Variants in MYO1D observed in about 807,000 individuals in gnomAD.
The protein encoded by MYO1D is unconventional myosin-Id.
MYO1D carries 83 observed loss-of-function variants against 122.0 expected under a neutral mutation model. The observed-to-expected ratio is 0.68, with a 90% CI of 0.57 to 0.82. The LOEUF (loss-of-function observed/expected upper bound fraction) is 0.82, where lower values mean the gene tolerates loss of function less well. MYO1D is among the 40% of genes least tolerant of loss of function. The pLI, the probability that MYO1D is intolerant of heterozygous loss-of-function variation, is 0.00. For missense variants in MYO1D, 1,157 were observed against 1,269.5 expected, an observed-to-expected ratio of 0.91 and a Z score of 1.35; for synonymous variants, 464 against 446.9, an observed-to-expected ratio of 1.04 and a Z score of -0.48.
intron 16 of MYO1D, among the ~76,000 whole-genome samples, chr17:32,703,101 C>A (rs779913786): frequency 6.6e-6 from 1 of 152,110 alleles, no homozygotes; most frequent in Non-Finnish European, 1.5e-5. Flanking sequence ...AGAGGAAAGG[C>A]CTTGCCCTCT....
chr17:32,849,693 T>C (rs573925447), intron 1 of MYO1D, among the ~76,000 whole-genome samples: 1 of 151,722 alleles, frequency 6.6e-6, no homozygotes, highest in African/African-American at 2.4e-5. Context: ...GGGATAGCAT[T>C]GGGAGATATA....
intron 8 of MYO1D, 48 bp downstream of exon 8, chr17:32,764,830 T>C: frequency 6.3e-7 from 1 of 1,586,780 alleles, no homozygotes; most frequent in East Asian, 2.2e-5. Flanking sequence ...TCACTCAATT[T>C]GCAACTGCGA....
chr17:32,821,534 T>TCACACACACACACACACACACA (rs575314294), intron 1 of MYO1D, among the ~76,000 whole-genome samples: 47 of 143,152 alleles, frequency 3.3e-4, no homozygotes, highest in African/African-American at 1.1e-3. Context: ...GATAAGTAAA[T>TCACACACACACACACACACACA]CACACATACA....
chr17:32,783,388 A>G (rs2090260492), intron 1 of MYO1D, among the ~76,000 whole-genome samples: 1 of 152,182 alleles, frequency 6.6e-6, no homozygotes. Flanking sequence ...TATAGGCACC[A>G]TGTATAAAAT....
chr17:32,769,778 G>C (rs1028169372), intron 6 of MYO1D, among the ~76,000 whole-genome samples: 5 of 149,458 alleles, frequency 3.3e-5, no homozygotes, highest in African/African-American at 1.2e-4. Context: ...TTAGTTCTTT[G>C]TTTTCTTAGG....
At chr17:32,841,461 T>C (rs1309333147) in intron 1 of MYO1D, among the ~76,000 whole-genome samples, 1 of 149,664 alleles carries the variant, frequency 6.7e-6, no homozygotes, top group Non-Finnish European at 1.5e-5. Flanking sequence ...AGTGAGACCC[T>C]GTCTCAAAAA....
At chr17:32,651,949 T>A (rs1480181158) in intron 19 of MYO1D, among the ~76,000 whole-genome samples, 3 of 152,196 alleles carry the variant, frequency 2.0e-5, no homozygotes, top group African/African-American at 7.2e-5. Context: ...GTGGTGGGAT[T>A]ATAGGCATAA....
chr17:32,797,907 T>C (rs181876358), intron 1 of MYO1D, among the ~76,000 whole-genome samples: 16 of 152,400 alleles, frequency 1.0e-4, no homozygotes, highest in Admixed American at 9.8e-4. Flanking sequence ...TTTCCATGTA[T>C]GTTGCTAATT....
At chr17:32,860,759 T>C (rs575822128) in intron 1 of MYO1D, among the ~76,000 whole-genome samples, 216 of 152,304 alleles carry the variant, frequency 1.4e-3, no homozygotes, top group Non-Finnish European at 1.7e-3. Context: ...ACTAGACTAG[T>C]AAAAAGTCCT....
chr17:32,691,278 A>C (rs1726916757), intron 16 of MYO1D, among the ~76,000 whole-genome samples: 2 of 150,962 alleles, frequency 1.3e-5, no homozygotes, highest in African/African-American at 4.9e-5. Flanking sequence ...AAAAAAAAGA[A>C]CTTATTTCTT....
intron 21 of MYO1D, among the ~76,000 whole-genome samples, chr17:32,538,761 C>G (rs1396130456): frequency 2.6e-5 from 4 of 152,134 alleles, no homozygotes; most frequent in Non-Finnish European, 5.9e-5. Flanking sequence ...GAATACTATG[C>G]AGCCGTAAAA....
chr17:32,770,092 G>T (rs547785986), intron 6 of MYO1D, among the ~76,000 whole-genome samples: 1 of 152,194 alleles, frequency 6.6e-6, no homozygotes, highest in South Asian at 2.1e-4. Context: ...CATCCTGCTC[G>T]CTCTCAGATG....
At chr17:32,592,553 C>G (rs1430501314) in intron 21 of MYO1D, among the ~76,000 whole-genome samples, 3 of 152,044 alleles carry the variant, frequency 2.0e-5, no homozygotes, top group Non-Finnish European at 4.4e-5. Context: ...ATAATTTTAA[C>G]AAGCAAAAAA....
At chr17:32,838,369 C>G (rs1256573766) in intron 1 of MYO1D, among the ~76,000 whole-genome samples, 1 of 152,180 alleles carries the variant, frequency 6.6e-6, no homozygotes, top group South Asian at 2.1e-4. Flanking sequence ...TGCTTCTGGA[C>G]TGTCTTTTCA....
intron 20 of MYO1D, among the ~76,000 whole-genome samples, chr17:32,609,236 C>T (rs1002144464): frequency 6.6e-5 from 10 of 152,200 alleles, no homozygotes; most frequent in Admixed American, 3.9e-4. Context: ...GAGTGATTTC[C>T]TCATTCTGTG....
chr17:32,848,586 C>A (rs2090958353), intron 1 of MYO1D, among the ~76,000 whole-genome samples: 1 of 152,148 alleles, frequency 6.6e-6, no homozygotes, highest in South Asian at 2.1e-4. Flanking sequence ...GTTACAGAGG[C>A]CATTAGTGGG....
chr17:32,632,956 G>A (rs187876590), intron 20 of MYO1D, among the ~76,000 whole-genome samples: 8 of 152,018 alleles, frequency 5.3e-5, no homozygotes, highest in Non-Finnish European at 1.0e-4. Context: ...GATCTCCCCC[G>A]CACAGAACAC....
intron 13 of MYO1D, 42 bp downstream of exon 13, chr17:32,745,169 A>G (rs986637758): frequency 3.6e-6 from 4 of 1,105,662 alleles, no homozygotes; most frequent in Non-Finnish European, 5.4e-6. Context: ...ACATATGTCA[A>G]TGAGCTTAAT....
chr17:32,500,725 G>A (rs1371019815), intron 21 of MYO1D, among the ~76,000 whole-genome samples: 1 of 152,098 alleles, frequency 6.6e-6, no homozygotes, highest in African/African-American at 2.4e-5. Flanking sequence ...TGGATTGAGG[G>A]GCCAGGCGCA....
Sources: gnomAD v4.1 joint callset for allele counts (sites outside exome capture counted in the v4.1 genomes callset) on GRCh38, gnomAD v4.1.1 for gene constraint, MANE v1.5 for transcripts, NCBI Gene and HGNC (gene_info 2026-07-23, HGNC 2026-07-21) for gene names.